Variants in ECT2L observed in about 807,000 individuals in gnomAD.
The protein encoded by ECT2L is epithelial cell-transforming sequence 2 oncogene-like.
ECT2L carries 126 observed loss-of-function variants against 122.8 expected under a neutral mutation model. The observed-to-expected ratio is 1.03, with a 90% CI of 0.89 to 1.19. The LOEUF is 1.19. Among genes scored for constraint, ECT2L ranks in the 50% most tolerant of loss-of-function variants. The probability of loss-of-function intolerance (pLI) is 0.00; values close to 1 mark genes in which losing one functional copy is unlikely to be tolerated. For missense variants in ECT2L, 1,012 were observed against 1,064.1 expected (o/e 0.95, Z 0.68); for synonymous variants, 385 against 381.8 (o/e 1.01, Z -0.10).
In ECT2L at chr6:138,904,010, A is replaced by G. The variant is rs1213216728; in HGVS notation, c.*1383A>G. The G allele has an allele frequency of 1.3e-5, 2 of 152,212 alleles. No individual in the cohort carries two copies. The highest frequency in any genetic ancestry group is 4.1e-4 in the South Asian group (2 of 4,834). 9.4% of individuals were successfully genotyped at this position (152,212 alleles called of 1,614,324 possible). A position where few individuals can be genotyped will look rare whatever the true frequency, so the allele number is the denominator to read the frequency against. On this transcript the variant is annotated 3_prime_UTR_variant, in exon 22 of 22. Coordinates refer to ENST00000541398, the MANE Select transcript of ECT2L (RefSeq NM_001077706.3). ...TTTAAATCTTGTTAAAAAGATGAAC[A>G]AAAGTTAAAATATTATGCTGTTTTA...
At chr6:138,868,011 A>AAAAAAAG in intron 12 of ECT2L, 92 bp from the exon 13 acceptor site, 1 of 793,982 alleles carries the variant, frequency 1.3e-6, no homozygotes, top group Non-Finnish European at 1.8e-6. Context: ...AAAAAAAAAA[A>AAAAAAAG]AAAAAAAAGA....
intron 16 of ECT2L, among the ~76,000 whole-genome samples, chr6:138,883,317 C>T (rs1356822893): frequency 6.6e-6 from 1 of 152,180 alleles, no homozygotes; most frequent in Non-Finnish European, 1.5e-5. Context: ...TCTTACATTT[C>T]CTAGAGAGTA....
intron 9 of ECT2L, among the ~76,000 whole-genome samples, chr6:138,853,279 T>C (rs1350323423): frequency 6.6e-6 from 1 of 152,212 alleles, no homozygotes; most frequent in East Asian, 1.9e-4. Context: ...ATTTTGTTTT[T>C]CTTAAGCAAC....
At chr6:138,826,085 C>T (rs1436261589) in intron 4 of ECT2L, among the ~76,000 whole-genome samples, 1 of 152,214 alleles carries the variant, frequency 6.6e-6, no homozygotes, top group Non-Finnish European at 1.5e-5. Context: ...CACTGACCTT[C>T]CAGTCCACAG....
rs751411325 is a variant in ECT2L, at chr6:138,838,336, TTC to T, written c.180-12_180-11del. On this transcript the variant is annotated splice_polypyrimidine_tract_variant and intron_variant, in intron 4 of 21. Coordinates refer to ENST00000541398, the MANE Select transcript of ECT2L (RefSeq NM_001077706.3). ...TAGACATTAGTGTTCTAAACTAAAT[TTC>T]TCTTTCTTTTTAGGTTTGTCCAAGA... is the stretch of plus-strand genomic sequence containing the variant. 5 of 1,566,804 alleles carry T rather than the reference TTC, an allele frequency of 3.2e-6. No homozygotes were observed. The highest frequency in any genetic ancestry group is 4.2e-5 in the Admixed American group (2 of 48,014).
intron 20 of ECT2L, among the ~76,000 whole-genome samples, chr6:138,890,150 ATAAT>A (rs749495659): frequency 2.3e-4 from 35 of 152,336 alleles, no homozygotes; most frequent in Admixed American, 5.9e-4. Flanking sequence ...AAATAACAAA[ATAAT>A]TAATAGAATC....
At chr6:138,883,054 C>G (rs150807642) in intron 16 of ECT2L, among the ~76,000 whole-genome samples, 183 bp downstream of exon 16, 1 of 152,168 alleles carries the variant, frequency 6.6e-6, no homozygotes, top group Admixed American at 6.5e-5. Context: ...ATATTTGACA[C>G]CCAGCATTGC....
intron 1 of ECT2L, among the ~76,000 whole-genome samples, chr6:138,807,741 A>C (rs980684425): frequency 6.6e-6 from 1 of 152,098 alleles, no homozygotes; most frequent in Non-Finnish European, 1.5e-5. Flanking sequence ...CCAGCTGGGC[A>C]GTTGTTCTAC....
At chr6:138,871,195 T>C (rs868705550) in intron 13 of ECT2L, among the ~76,000 whole-genome samples, 1 of 152,190 alleles carries the variant, frequency 6.6e-6, no homozygotes, top group African/African-American at 2.4e-5. Context: ...CTGATTTCTA[T>C]GTAGGGGAAA....
chr6:138,858,696 CCTTTTT>C lies in ECT2L; in HGVS notation c.1199-3930_1199-3925del, dbSNP rs1777708297. On this transcript the variant is annotated intron_variant, in intron 10 of 21. Transcript: ENST00000541398. ...ATTAGTTTTCATCTTCTAGAATTTT[CCTTTTT>C]TTTTTTTTTTTTTTTTTTTTTTGAG... is the stretch of plus-strand genomic sequence containing the variant. Among the ~76,000 whole-genome samples, 8 of 98,598 alleles carry C rather than the reference CCTTTTT, an allele frequency of 8.1e-5. No individual in the cohort carries two copies. The South Asian group carries it at 2.8e-3, about 35-fold the overall frequency. The allele number at this position is 98,598 out of a possible 152,430, so 64.7% of individuals were successfully genotyped here.
At chr6:138,813,412 A>G (rs1370113334) in intron 3 of ECT2L, 72 bp downstream of exon 3, 2 of 1,137,020 alleles carry the variant, frequency 1.8e-6, no homozygotes, top group East Asian at 2.5e-5. Flanking sequence ...ATTGGGTCTC[A>G]TGTTGCCACA....
intron 18 of ECT2L, 65 bp downstream of exon 18, chr6:138,885,895 CAA>C: frequency 6.7e-7 from 1 of 1,497,990 alleles, no homozygotes; most frequent in Non-Finnish European, 9.1e-7. Flanking sequence ...TACTCCCACT[CAA>C]AGATCCTGAG....
intron 21 of ECT2L, among the ~76,000 whole-genome samples, chr6:138,901,995 G>C (rs957734241): frequency 2.0e-5 from 3 of 152,140 alleles, no homozygotes; most frequent in Non-Finnish European, 4.4e-5. Flanking sequence ...TCATCACTGG[G>C]TATGGTTAGT....
At chr6:138,876,206 C>T (rs1778445173) in intron 13 of ECT2L, among the ~76,000 whole-genome samples, 1 of 151,990 alleles carries the variant, frequency 6.6e-6, no homozygotes, top group South Asian at 2.1e-4. Flanking sequence ...AGCATCACTT[C>T]CCTGGCTCCC....
intron 4 of ECT2L, among the ~76,000 whole-genome samples, chr6:138,837,202 A>G (rs567135774): frequency 6.6e-6 from 1 of 152,296 alleles, no homozygotes; most frequent in South Asian, 2.1e-4. Flanking sequence ...CCAACTGCAT[A>G]TAGATTAGTC....
At chr6:138,872,405 A>G (rs911097254) in intron 13 of ECT2L, among the ~76,000 whole-genome samples, 6 of 152,172 alleles carry the variant, frequency 3.9e-5, no homozygotes, top group Non-Finnish European at 7.3e-5. Flanking sequence ...TGATACACAA[A>G]TAGGTGGTGC....
rs147777116 is a variant in ECT2L at position 138,800,462 on chromosome 6, C to T, written c.-244+4270C>T. Reference sequence around the variant, plus strand: ...ACTGCTGTATTGTAACCAGAATGCACAATAAATATTCTTGCCCCAGAATGA... The same window carrying T: ...ACTGCTGTATTGTAACCAGAATGCATAATAAATATTCTTGCCCCAGAATGA... On this transcript the variant is annotated intron_variant, in intron 1 of 21. Transcript: ENST00000541398. Among the ~76,000 whole-genome samples, 223 of 152,308 alleles carry T rather than the reference C, an allele frequency of 1.5e-3. 1 individual carries two copies. The highest frequency in any genetic ancestry group is 2.5e-3 in the Non-Finnish European group (169 of 68,032).
At chr6:138,805,889 T>C (rs1177611711) in intron 1 of ECT2L, among the ~76,000 whole-genome samples, 1 of 152,156 alleles carries the variant, frequency 6.6e-6, no homozygotes, top group African/African-American at 2.4e-5. Context: ...GGGAGAAGAA[T>C]AGACTCCACC....
intron 5 of ECT2L, among the ~76,000 whole-genome samples, chr6:138,840,847 A>G (rs1387929995): frequency 6.6e-6 from 1 of 151,990 alleles, no homozygotes; most frequent in Non-Finnish European, 1.5e-5. Context: ...CTTCATATTG[A>G]TTCTGCCCCA....
Sources: allele counts gnomAD v4.1 joint callset (sites outside exome capture counted in the v4.1 genomes callset), GRCh38; gene constraint gnomAD v4.1.1; transcripts MANE v1.5; gene names NCBI Gene and HGNC (gene_info 2026-07-23, HGNC 2026-07-21).